Variants in TTC28 observed in about 807,000 individuals in gnomAD.
TTC28 encodes tetratricopeptide repeat protein 28.
Under a neutral mutation model 198.0 loss-of-function variants are expected in TTC28, and 61 were observed. The observed-to-expected ratio is 0.31, with a 90% CI of 0.25 to 0.38. The LOEUF is 0.38. TTC28 is among the 10% of genes least tolerant of loss of function. TTC28 has a pLI of 1.00. For missense variants in TTC28, 2,678 were observed against 3,164.0 expected (o/e 0.85, Z 3.69); for synonymous variants, 1,171 against 1,297.8 (o/e 0.90, Z 2.10).
At chr22:28,502,896 A>G (rs1348684829) in intron 2 of TTC28, among the ~76,000 whole-genome samples, 1 of 152,144 alleles carries the variant, frequency 6.6e-6, no homozygotes, top group Non-Finnish European at 1.5e-5. Flanking sequence ...ACTACCCACA[A>G]GAGTCCATAA....
chr22:28,155,734 C>T (rs1346587564), intron 6 of TTC28, among the ~76,000 whole-genome samples: 3 of 152,146 alleles, frequency 2.0e-5, no homozygotes, highest in Non-Finnish European at 2.9e-5. Context: ...ACGGTATATA[C>T]AGAGAAGTAG....
chr22:28,219,263 C>T (rs1016513050), intron 5 of TTC28, among the ~76,000 whole-genome samples: 4 of 152,136 alleles, frequency 2.6e-5, no homozygotes, highest in African/African-American at 9.7e-5. Flanking sequence ...AATCCCAACA[C>T]TTTGGGAGGT....
intron 2 of TTC28, among the ~76,000 whole-genome samples, chr22:28,401,341 C>A (rs1344277534): frequency 6.6e-6 from 1 of 152,106 alleles, no homozygotes; most frequent in African/African-American, 2.4e-5. Context: ...CAGGGCCAGG[C>A]ACGGTGGCTC....
At chr22:28,055,554 A>AG (rs748594809) in intron 12 of TTC28, among the ~76,000 whole-genome samples, 5 of 152,208 alleles carry the variant, frequency 3.3e-5, no homozygotes, top group African/African-American at 4.8e-5. Context: ...CCAAAGATTA[A>AG]GGGCTGTGCT....
In TTC28 at chr22:28,328,756, AAATAATAATAATAATAAT is replaced by A. The variant is rs199948599; in HGVS notation, c.382-22131_382-22114del. On this transcript the variant is annotated intron_variant, in intron 2 of 22. Coordinates refer to ENST00000397906, the MANE Select transcript of TTC28 (RefSeq NM_001145418.2). ...GCCACAGATCGAGACTCTGTCTCAA[AAATAATAATAATAATAAT>A]AATAATAATAATAATAATAATAATA... is the stretch of plus-strand genomic sequence containing the variant. 7.3e-4 allele frequency among the ~76,000 whole-genome samples: 98 copies of A among 134,396 alleles called. 3 individuals carry two copies. Among genetic ancestry groups the A allele is most frequent in the African/African-American group, 7.7e-4 (28 of 36,336 alleles). 88.2% of individuals were successfully genotyped at this position (134,396 alleles called of 152,430 possible). A position where few individuals can be genotyped will look rare whatever the true frequency, so the allele number is the denominator to read the frequency against.
At chr22:28,658,144 TAATAA>T (rs1439398310) in intron 1 of TTC28, among the ~76,000 whole-genome samples, 2 of 152,166 alleles carry the variant, frequency 1.3e-5, no homozygotes, top group Non-Finnish European at 2.9e-5. Context: ...GTACAAAAAG[TAATAA>T]AATATTACAC....
chr22:28,678,885 G>A (rs1260908907), intron 1 of TTC28, among the ~76,000 whole-genome samples: 1 of 152,156 alleles, frequency 6.6e-6, no homozygotes, highest in Non-Finnish European at 1.5e-5. Context: ...GCTTGTTTAA[G>A]TTCAAAATCG....
chr22:28,618,721 T>G (rs1234917632), intron 2 of TTC28, among the ~76,000 whole-genome samples: 1 of 146,584 alleles, frequency 6.8e-6, no homozygotes, highest in African/African-American at 2.5e-5. Flanking sequence ...AGGTAGGATA[T>G]CGAAACAATG....
At chr22:28,162,063 G>T (rs1192930638) in intron 6 of TTC28, among the ~76,000 whole-genome samples, 1 of 152,080 alleles carries the variant, frequency 6.6e-6, no homozygotes, top group African/African-American at 2.4e-5. Context: ...CCAGGCACAG[G>T]GATAAGTTTA....
intron 5 of TTC28, among the ~76,000 whole-genome samples, chr22:28,263,354 C>G (rs1931454188): frequency 6.6e-6 from 1 of 152,076 alleles, no homozygotes; most frequent in Non-Finnish European, 1.5e-5. Flanking sequence ...CAGTAAAACT[C>G]TATTGCATTT....
At chr22:28,402,247 A>G (rs1601345514) in intron 2 of TTC28, among the ~76,000 whole-genome samples, 1 of 152,192 alleles carries the variant, frequency 6.6e-6, no homozygotes, top group African/African-American at 2.4e-5. Context: ...TGGCAGATGG[A>G]TGACACGGAA....
chr22:28,521,607 G>GT (rs2048910835), intron 2 of TTC28, among the ~76,000 whole-genome samples: 1 of 152,144 alleles, frequency 6.6e-6, no homozygotes, highest in Non-Finnish European at 1.5e-5. Context: ...TCCCCCAGCC[G>GT]TAAGATTGCT....
chr22:28,491,156 A>C (rs2048371297), intron 2 of TTC28, among the ~76,000 whole-genome samples: 1 of 152,158 alleles, frequency 6.6e-6, no homozygotes, highest in African/African-American at 2.4e-5. Flanking sequence ...TTCTTACCGA[A>C]GTTAGGTGAC....
intron 21 of TTC28, chr22:27,985,575 T>C: frequency 2.3e-6 from 1 of 438,460 alleles, no homozygotes; most frequent in Non-Finnish European, 4.3e-6. Context: ...CAGCCCCCAT[T>C]TGGCGTGTGT....
chr22:27,998,683 G>A lies in TTC28; in HGVS notation c.4976C>T (p.Pro1659Leu). The change falls in exon 16 of 23, where the codon CCT becomes CTT. Residue 1659 changes from proline to leucine, a missense_variant. Around this residue, in one of 8 missense-constraint regions of TTC28, gnomAD observed 314 missense variants for 442.7 expected, o/e 0.71. Coordinates refer to ENST00000397906, the MANE Select transcript of TTC28 (RefSeq NM_001145418.2). ...CATCTTAGAAGCAGCCACTGGCACA[G>A]GCCACAGAGACACGAGGACACACTG... is the stretch of plus-strand genomic sequence containing the variant. ...GAQCVLVSLWPVPVAASKMFI... is the reference protein window; with the variant it reads ...GAQCVLVSLWLVPVAASKMFI... The A allele has an allele frequency of 6.4e-7, 1 of 1,550,920 alleles. No individual in the cohort carries two copies. Among genetic ancestry groups the A allele is most frequent in the South Asian group, 1.2e-5 (1 of 84,066 alleles).
At chr22:28,439,667 T>C (rs1452300047) in intron 2 of TTC28, among the ~76,000 whole-genome samples, 1 of 152,160 alleles carries the variant, frequency 6.6e-6, no homozygotes, top group Admixed American at 6.5e-5. Context: ...AATAAACACA[T>C]ATAGAGCAAT....
chr22:28,516,967 G>A (rs529090152), intron 2 of TTC28, among the ~76,000 whole-genome samples: 4 of 152,140 alleles, frequency 2.6e-5, no homozygotes, highest in Non-Finnish European at 5.9e-5. Flanking sequence ...TTACTATTCT[G>A]TAGTGAGTAA....
intron 2 of TTC28, among the ~76,000 whole-genome samples, chr22:28,432,202 C>T (rs1389608225): frequency 1.3e-5 from 2 of 151,586 alleles, no homozygotes; most frequent in Non-Finnish European, 2.9e-5. Context: ...AGAAGAATGG[C>T]GTGAACCTGG....
intron 1 of TTC28, among the ~76,000 whole-genome samples, chr22:28,639,075 G>C (rs1719776613): frequency 6.6e-6 from 1 of 152,192 alleles, no homozygotes. Context: ...TCTTATAGAT[G>C]CACTTACATG....
Sources: allele counts gnomAD v4.1 joint callset (sites outside exome capture counted in the v4.1 genomes callset), GRCh38; gene constraint gnomAD v4.1.1; regional missense constraint gnomAD v4.1.1; transcripts MANE v1.5; gene names NCBI Gene and HGNC (gene_info 2026-07-23, HGNC 2026-07-21).